The following NTN4 variants were observed in gnomAD, a reference collection of about 807,000 sequenced individuals.
NTN4 encodes the protein netrin-4.
In NTN4, 32 loss-of-function variants were observed where a neutral mutation model predicts 73.6. The observed-to-expected ratio is 0.44, with a 90% CI of 0.33 to 0.58. NTN4 has a LOEUF of 0.58. Among genes scored for constraint, NTN4 ranks in the 20% least tolerant of loss-of-function variants. The pLI, the probability that NTN4 is intolerant of heterozygous loss-of-function variation, is 0.04. For missense variants in NTN4, 654 were observed against 798.3 expected (o/e 0.82, Z 2.18); for synonymous variants, 258 against 287.5 (o/e 0.90, Z 1.04).
At chr12:95,711,218 A>T (rs2078563047) in intron 4 of NTN4, among the ~76,000 whole-genome samples, 1 of 152,010 alleles carries the variant, frequency 6.6e-6, no homozygotes, top group Non-Finnish European at 1.5e-5. Flanking sequence ...GCTGTTAATT[A>T]AAAAAAATAA....
intron 2 of NTN4, among the ~76,000 whole-genome samples, chr12:95,785,380 T>C (rs1280676861): frequency 6.6e-6 from 1 of 152,236 alleles, no homozygotes; most frequent in African/African-American, 2.4e-5. Flanking sequence ...GACTAACTTA[T>C]CTGTCTCTTT....
intron 2 of NTN4, among the ~76,000 whole-genome samples, chr12:95,753,840 C>G (rs1263669256): frequency 4.6e-5 from 7 of 151,930 alleles, no homozygotes; most frequent in African/African-American, 1.5e-4. Flanking sequence ...TTATTAGGCC[C>G]CAGTCTCATT....
chr12:95,714,867 GA>G (rs2078594032), intron 3 of NTN4, among the ~76,000 whole-genome samples: 1 of 152,124 alleles, frequency 6.6e-6, no homozygotes, highest in South Asian at 2.1e-4. Context: ...GACAAAAAAT[GA>G]ATTACTAAAA....
chr12:95,775,953 T>C (rs1457266603), intron 2 of NTN4, among the ~76,000 whole-genome samples: 1 of 152,224 alleles, frequency 6.6e-6, no homozygotes, highest in East Asian at 1.9e-4. Context: ...GGTACTCCTC[T>C]GAGACAAAAC....
At chr12:95,770,934 G>A (rs545405398) in intron 2 of NTN4, among the ~76,000 whole-genome samples, 1 of 152,100 alleles carries the variant, frequency 6.6e-6, no homozygotes, top group South Asian at 2.1e-4. Flanking sequence ...TAGAAAGAAG[G>A]GTGTTGTTCT....
At chr12:95,706,974 T>C (rs2078525804) in intron 5 of NTN4, among the ~76,000 whole-genome samples, 1 of 152,176 alleles carries the variant, frequency 6.6e-6, no homozygotes, top group African/African-American at 2.4e-5. Context: ...GTCTAACAGA[T>C]TTCCCAGGTG....
At chr12:95,713,465 G>T in intron 3 of NTN4, 127 bp from the exon 4 acceptor site, 3 of 1,082,550 alleles carry the variant, frequency 2.8e-6, no homozygotes, top group South Asian at 4.4e-5. Context: ...TCCTGAAGAA[G>T]TTAGCCATCA....
At chr12:95,731,484 T>G (rs1384372160) in intron 3 of NTN4, among the ~76,000 whole-genome samples, 4 of 152,102 alleles carry the variant, frequency 2.6e-5, no homozygotes, top group Non-Finnish European at 2.9e-5. Context: ...GAAAATCGCT[T>G]GAATCTGGGA....
At position 95,790,262 on chromosome 12, in the gene NTN4, C is replaced by T. The variant is rs775076984; in HGVS notation, c.48G>A (p.Val16=). The stretch of plus-strand genomic sequence containing the variant: ...CGCCGCGTCACCACCCACCTGCGGC[C>T]ACCACCGTGCAGCCCCAGAGCAGCA... ...RLLLLWGCTV[V]AAGLSGVAGV... The change falls in exon 1 of 10, where the codon GTG becomes GTA. Residue 16 remains valine, a synonymous_variant. Transcript: ENST00000343702. The surrounding 1 kb of genome is among the most constrained non-coding windows in gnomAD (Gnocchi z 6.5). The T allele has an allele frequency of 3.5e-5, 54 of 1,535,936 alleles. No individual in the cohort carries two copies. In the South Asian group the frequency reaches 6.4e-4, roughly 18 times the overall value.
At chr12:95,779,403 A>T (rs968643663) in intron 2 of NTN4, among the ~76,000 whole-genome samples, 2 of 152,240 alleles carry the variant, frequency 1.3e-5, no homozygotes, top group African/African-American at 4.8e-5. Context: ...ATATTTAGAA[A>T]ACTCCATTGT....
chr12:95,684,673 T>C, intron 5 of NTN4, among the ~76,000 whole-genome samples: 1 of 152,146 alleles, frequency 6.6e-6, no homozygotes, highest in Non-Finnish European at 1.5e-5. Context: ...AATTACTTAT[T>C]GCTCACAGTC....
At chr12:95,724,801 A>T (rs900499914) in intron 3 of NTN4, among the ~76,000 whole-genome samples, 6 of 152,156 alleles carry the variant, frequency 3.9e-5, no homozygotes, top group African/African-American at 1.2e-4. Context: ...TTACTAAGAC[A>T]GTAGCTACAT....
At chr12:95,770,017 A>G (rs1159127116) in intron 2 of NTN4, among the ~76,000 whole-genome samples, 1 of 152,114 alleles carries the variant, frequency 6.6e-6, no homozygotes, top group Non-Finnish European at 1.5e-5. Flanking sequence ...TTGGCCTCCC[A>G]AAGTGCTGGG....
At chr12:95,762,900 A>G (rs978937127) in intron 2 of NTN4, among the ~76,000 whole-genome samples, 5 of 152,236 alleles carry the variant, frequency 3.3e-5, no homozygotes, top group African/African-American at 1.2e-4. Context: ...TCTTTCCTAT[A>G]CATTTAGATA....
At chr12:95,766,481 T>C (rs148339699) in intron 2 of NTN4, among the ~76,000 whole-genome samples, 1 of 152,370 alleles carries the variant, frequency 6.6e-6, no homozygotes, top group Admixed American at 6.5e-5. Flanking sequence ...ATTTGGTCTT[T>C]GGATACAACA....
intron 5 of NTN4, among the ~76,000 whole-genome samples, chr12:95,684,979 C>T (rs2078350282): frequency 6.6e-6 from 1 of 152,170 alleles, no homozygotes; most frequent in Non-Finnish European, 1.5e-5. Context: ...AAGCAATCCT[C>T]CTGCTTCAGC....
At chr12:95,745,965 G>A (rs1328999097) in intron 2 of NTN4, among the ~76,000 whole-genome samples, 1 of 152,118 alleles carries the variant, frequency 6.6e-6, no homozygotes, top group African/African-American at 2.4e-5. Flanking sequence ...TGTTACCTCT[G>A]GGGATTGTTC....
rs151017346 is a variant in NTN4, at chr12:95,691,072, G to A, written c.1181-7361C>T. Among the ~76,000 whole-genome samples, 3 of 152,374 alleles carry A rather than the reference G, an allele frequency of 2.0e-5. No homozygotes were observed. In the East Asian group the frequency reaches 5.8e-4, roughly 29 times the overall value. On this transcript the variant is annotated intron_variant, in intron 5 of 9. Coordinates refer to ENST00000343702, the MANE Select transcript of NTN4 (RefSeq NM_021229.4). ...TATGCAGAACTAGCTCCAGGCCGAA[G>A]GCCCTGACATCTTTCATGGCATACT...
In NTN4 at chr12:95,712,787, CTTTTTT is replaced by C. The variant is rs35614636; in HGVS notation, c.991+419_991+424del. On this transcript the variant is annotated intron_variant, in intron 4 of 9. Transcript: ENST00000343702. ...CGGCTAATTTTTTCTTTCTTTCTTT[CTTTTTT>C]TTTTTTTTTTTTTTTTGTATTTTTA... is the stretch of plus-strand genomic sequence containing the variant. Among the ~76,000 whole-genome samples, 371 of 105,732 alleles carry C rather than the reference CTTTTTT, an allele frequency of 3.5e-3. 2 individuals are homozygous for C. The highest frequency in any genetic ancestry group is 0.013 in the African/African-American group (356 of 26,602). 69.4% of individuals were successfully genotyped at this position (105,732 alleles called of 152,430 possible).
Sources: allele counts gnomAD v4.1 joint callset (sites outside exome capture counted in the v4.1 genomes callset), GRCh38; gene constraint gnomAD v4.1.1; non-coding constraint Gnocchi (gnomAD v3.1); transcripts MANE v1.5; gene names NCBI Gene and HGNC (gene_info 2026-07-23, HGNC 2026-07-21).